The following PRKDC variants were observed in gnomAD, a reference collection of about 807,000 sequenced individuals.
PRKDC encodes the protein DNA-dependent protein kinase catalytic subunit.
In PRKDC, 82 loss-of-function variants were observed where a neutral mutation model predicts 486.9. The observed-to-expected ratio is 0.17, with a 90% CI of 0.14 to 0.20. PRKDC has a LOEUF of 0.20. PRKDC is among the 10% of genes least tolerant of loss of function. The pLI is 1.00. For synonymous variants in PRKDC, 1,895 were observed against 1,837.0 expected, an observed-to-expected ratio of 1.03 and a Z score of -0.81; for missense variants, 4,504 against 5,038.2, an observed-to-expected ratio of 0.89 and a Z score of 3.21.
chr8:47,792,219 AGT>A (rs1178026630), intron 74 of PRKDC, among the ~76,000 whole-genome samples: 3 of 151,592 alleles, frequency 2.0e-5, no homozygotes, highest in Non-Finnish European at 1.5e-5. Flanking sequence ...AACAGGATCT[AGT>A]ATTTAGTGGC....
At position 47,888,608 on chromosome 8, in the gene PRKDC, C is replaced by G. The variant is rs746859199; in HGVS notation, c.4323G>C (p.Ala1441=). 6.3e-7 allele frequency: 1 copy of G among 1,592,772 alleles called. No homozygotes were observed. Among genetic ancestry groups the G allele is most frequent in the African/African-American group, 1.3e-5 (1 of 74,512 alleles). The change falls in exon 34 of 86, where the codon GCG becomes GCC. Residue 1441 remains alanine (A), a synonymous_variant. Coordinates refer to ENST00000314191, the MANE Select transcript of PRKDC (RefSeq NM_006904.7). ...LCAVNLYGPD[A]QVDRSRLAAV... is the part of the protein sequence containing the mutation. ...CAGCCAGCCTGCTCCTGTCCACTTG[C>G]GCGTCAGGGCCATACAAGTTGACGG... is the stretch of plus-strand genomic sequence containing the variant.
intron 41 of PRKDC, 117 bp downstream of exon 41, chr8:47,864,439 G>A: frequency 1.1e-6 from 1 of 912,510 alleles, no homozygotes; most frequent in Non-Finnish European, 1.6e-6. Context: ...GCCACAGACT[G>A]TTATGTGGCA....
Position 47,774,144 on chromosome 8 carries a change from T to G in PRKDC, c.*29A>C, listed in dbSNP as rs1563726814. 6.5e-7 allele frequency: 1 copy of G among 1,546,196 alleles called. No homozygotes were observed. The highest frequency in any genetic ancestry group is 2.0e-5 in the Admixed American group (1 of 49,834). Reference sequence around the variant, plus strand: ...ATAGTAGATTCTTTAAACAATGTAATGCTTTCTATCTGCAGACTCCCACAG... The same window carrying G: ...ATAGTAGATTCTTTAAACAATGTAAGGCTTTCTATCTGCAGACTCCCACAG... On this transcript the variant is annotated 3_prime_UTR_variant, in exon 86 of 86. Transcript: ENST00000314191.
chr8:47,866,056 T>C (rs2088801876), intron 40 of PRKDC, among the ~76,000 whole-genome samples: 1 of 149,806 alleles, frequency 6.7e-6, no homozygotes. Flanking sequence ...CTCAGGAGGC[T>C]GAGGCAGGAG....
At chr8:47,873,227 C>CAAAAAAAAAAAAAAAAAAAAAAAAAA (rs60385860) in intron 40 of PRKDC, among the ~76,000 whole-genome samples, 1 of 71,076 alleles carries the variant, frequency 1.4e-5, no homozygotes, top group Non-Finnish European at 3.8e-5. Context: ...GACTCCATCT[C>CAAAAAAAAAAAAAAAAAAAAAAAAAA]AAAAAAAAAA....
rs933119974 is a variant in PRKDC, at chr8:47,887,424, T to C, written c.4572+123A>G. 1.4e-5 allele frequency: 12 copies of C among 878,804 alleles called. No individual in the cohort carries two copies. The Admixed American group carries it at 3.2e-4, about 23-fold the overall frequency. The allele number at this position is 878,804 out of a possible 1,614,324, so 54.4% of individuals were successfully genotyped here. A position where few individuals can be genotyped will look rare whatever the true frequency, so the allele number is the denominator to read the frequency against. ...CTTTTAGAAAGTTGGCTCATGCAAA[T>C]CATACAATACTTGTCCAGCTAAAAC... On this transcript the variant is annotated intron_variant, in intron 35 of 85. Coordinates refer to ENST00000314191, the MANE Select transcript of PRKDC (RefSeq NM_006904.7).
chr8:47,799,862 C>G (rs188740305), intron 71 of PRKDC, among the ~76,000 whole-genome samples: 5 of 152,066 alleles, frequency 3.3e-5, no homozygotes, highest in Non-Finnish European at 7.4e-5. Context: ...AAAGCAGGCA[C>G]TAAATAAAAA....
intron 1 of PRKDC, 66 bp from the exon 2 acceptor site, chr8:47,957,497 G>A (rs2090724472): frequency 1.6e-6 from 2 of 1,276,788 alleles, no homozygotes; most frequent in African/African-American, 3.0e-5. Context: ...CACTCCTAAA[G>A]GGGTTGCAAT....
rs2087151056 is a variant in PRKDC, at chr8:47,803,420, C to T, written c.9808G>A (p.Asp3270Asn). 1.2e-6 allele frequency: 2 copies of T among 1,614,000 alleles called. No homozygotes were observed. The highest frequency in any genetic ancestry group is 4.5e-5 in the East Asian group (2 of 44,882). The change falls in exon 70 of 86, where the codon GAC becomes AAC. Residue 3270 changes from aspartate to asparagine, a missense_variant. This residue lies in a region of PRKDC where 1,592 missense variants were observed against 1,724.6 expected (regional missense o/e 0.92). Coordinates refer to ENST00000314191, the MANE Select transcript of PRKDC (RefSeq NM_006904.7). The part of the protein sequence containing the change: ...KELHKESKTR[D>N]DWLVSWVQSY... Reference sequence around the variant, plus strand: ...TGCACCCAGCTCACCAGCCAATCGTCTCTGGTTTTTGACTCTTTATGCAGC... The same window carrying T: ...TGCACCCAGCTCACCAGCCAATCGTTTCTGGTTTTTGACTCTTTATGCAGC...
At chr8:47,869,581 C>T (rs893235854) in intron 40 of PRKDC, among the ~76,000 whole-genome samples, 1 of 151,860 alleles carries the variant, frequency 6.6e-6, no homozygotes, top group African/African-American at 2.4e-5. Context: ...TCGAGTGTGA[C>T]CCAGCACATT....
intron 31 of PRKDC, among the ~76,000 whole-genome samples, chr8:47,892,890 T>C (rs762255877): frequency 7.9e-5 from 12 of 152,212 alleles, no homozygotes; most frequent in Non-Finnish European, 1.6e-4. Flanking sequence ...TTTTGTGTAT[T>C]TAAAATGTCA....
At chr8:47,896,521 C>G (rs983813972) in intron 30 of PRKDC, among the ~76,000 whole-genome samples, 1 of 152,120 alleles carries the variant, frequency 6.6e-6, no homozygotes, top group Non-Finnish European at 1.5e-5. Flanking sequence ...GTGGCGGGTG[C>G]CTGTAGTCCC....
chr8:47,778,418 C>CT, intron 83 of PRKDC, 41 bp downstream of exon 83: 1 of 1,585,892 alleles, frequency 6.3e-7, no homozygotes, highest in Non-Finnish European at 8.6e-7. Context: ...CCTATGATGA[C>CT]TCTCGCCTTG....
intron 49 of PRKDC, among the ~76,000 whole-genome samples, chr8:47,856,535 T>C (rs2088545116): frequency 6.6e-6 from 1 of 152,310 alleles, no homozygotes; most frequent in South Asian, 2.1e-4. Flanking sequence ...TAGCCCCGCA[T>C]GTGTATATTA....
intron 83 of PRKDC, 126 bp downstream of exon 83, chr8:47,778,333 G>T: frequency 9.6e-7 from 1 of 1,041,392 alleles, no homozygotes; most frequent in Non-Finnish European, 1.4e-6. Flanking sequence ...TGCATTCAAT[G>T]ACCATGACAA....
chr8:47,942,441 G>A (rs2090459986), intron 10 of PRKDC, among the ~76,000 whole-genome samples: 1 of 152,130 alleles, frequency 6.6e-6, no homozygotes, highest in African/African-American at 2.4e-5. Context: ...GCCCAGACAT[G>A]AAAAAAGGAT....
At chr8:47,933,358 C>T (rs1300417391) in intron 15 of PRKDC, among the ~76,000 whole-genome samples, 186 bp from the exon 16 acceptor site, 2 of 152,162 alleles carry the variant, frequency 1.3e-5, no homozygotes, top group Non-Finnish European at 2.9e-5. Context: ...ATTATTATAA[C>T]AGCATCATTT....
intron 84 of PRKDC, 53 bp from the exon 85 acceptor site, chr8:47,777,036 A>G: frequency 6.5e-7 from 1 of 1,548,652 alleles, no homozygotes; most frequent in Non-Finnish European, 8.7e-7. Flanking sequence ...ATATACAATC[A>G]TGCCCAAACA....
chr8:47,919,712 A>G (rs1589792860), intron 21 of PRKDC, among the ~76,000 whole-genome samples: 1 of 146,408 alleles, frequency 6.8e-6, no homozygotes, highest in Non-Finnish European at 1.5e-5. Flanking sequence ...AAGAGAATCC[A>G]GTTTTTAGTG....
Sources: allele counts gnomAD v4.1 joint callset (sites outside exome capture counted in the v4.1 genomes callset), GRCh38; gene constraint gnomAD v4.1.1; regional missense constraint gnomAD v4.1.1; transcripts MANE v1.5; gene names NCBI Gene and HGNC (gene_info 2026-07-23, HGNC 2026-07-21).